The following CROCC variants were observed in gnomAD, a reference collection of about 807,000 sequenced individuals.
CROCC encodes rootletin.
A neutral mutation model predicts 245.2 loss-of-function variants in CROCC; 180 were observed. The observed-to-expected ratio is 0.73, with a 90% confidence interval of 0.65 to 0.83. CROCC has a LOEUF of 0.83. Among genes scored for constraint, CROCC ranks in the 40% least tolerant of loss-of-function variants. CROCC has a pLI of 0.00. For missense variants in CROCC, 2,688 were observed against 2,779.4 expected (o/e 0.97, Z 0.74); for synonymous variants, 1,205 against 1,241.6 (o/e 0.97, Z 0.62).
chr1:16,964,844 A>G (rs995321219), intron 27 of CROCC, among the ~76,000 whole-genome samples: 2 of 152,164 alleles, frequency 1.3e-5, no homozygotes, highest in African/African-American at 4.8e-5. Context: ...CACCACGCCC[A>G]GCTAATTTTT....
At chr1:16,950,579 A>C (rs902184444) in intron 19 of CROCC, among the ~76,000 whole-genome samples, 8 of 152,182 alleles carry the variant, frequency 5.3e-5, no homozygotes, top group African/African-American at 1.9e-4. Context: ...GTTGGTCTTG[A>C]ACTCCTGACC....
intron 19 of CROCC, 125 bp downstream of exon 19, chr1:16,949,051 C>T: frequency 8.0e-7 from 1 of 1,247,716 alleles, no homozygotes. Context: ...GGGTTCCAGT[C>T]CTGTGCCACC....
chr1:16,944,329 G>C, intron 14 of CROCC, 47 bp downstream of exon 14: 2 of 1,474,854 alleles, frequency 1.4e-6, no homozygotes, highest in South Asian at 1.4e-5. Context: ...GATGTGCCTC[G>C]GGTCCCCTGA....
In CROCC at chr1:16,971,563, G is replaced by A; in HGVS notation, c.5883G>A (p.Leu1961=). 6.5e-7 allele frequency: 1 copy of A among 1,536,524 alleles called. No homozygotes were observed. ...QLELQQEVER[L]RSAQAQTERT... The stretch of plus-strand genomic sequence containing the variant: ...AGCTGCAGCAGGAGGTGGAGCGGCT[G>A]CGCAGCGCCCAGGCGCAGACTGAGC... The change falls in exon 36 of 37, where the codon CTG becomes CTA. Residue 1961 remains leucine, a synonymous_variant. Transcript: ENST00000375541.
chr1:16,922,038 G>A lies in CROCC; in HGVS notation c.20G>A (p.Gly7Glu). ...CCCCCCATGAGCTTGGGGCTGGCGGGGGCACAGGAGGTGGAGCTGACACTA... is the reference window on the plus strand; with the variant it reads ...CCCCCCATGAGCTTGGGGCTGGCGGAGGCACAGGAGGTGGAGCTGACACTA... Reference protein sequence around the residue: MSLGLAGAQEVELTLET... With the variant: MSLGLAEAQEVELTLET... Residue 7 changes from glycine (G) to glutamate (E), a missense_variant, in exon 1 of 37, where the codon GGG becomes GAG. By Grantham distance (98) the Gly-to-Glu change is moderately conservative. Transcript: ENST00000375541. The A allele has an allele frequency of 6.4e-7, 1 of 1,550,684 alleles. No individual in the cohort carries two copies. Among genetic ancestry groups the A allele is most frequent in the Non-Finnish European group, 8.7e-7 (1 of 1,146,734 alleles).
intron 14 of CROCC, among the ~76,000 whole-genome samples, chr1:16,944,928 G>A (rs1291108993): frequency 2.6e-5 from 4 of 152,262 alleles, no homozygotes; most frequent in Non-Finnish European, 4.4e-5. Flanking sequence ...TTAAGCACAT[G>A]TGAAGTTTGT....
In CROCC at chr1:16,944,178, G is replaced by A. The variant is rs774077507; in HGVS notation, c.1887G>A (p.Leu629=). 1.3e-6 allele frequency: 2 copies of A among 1,555,650 alleles called. No individual in the cohort carries two copies. Among genetic ancestry groups the A allele is most frequent in the East Asian group, 4.8e-5 (2 of 41,896 alleles). Residue 629 remains leucine (L), a synonymous_variant, in exon 14 of 37, where the codon CTG becomes CTA. Coordinates refer to ENST00000375541, the MANE Select transcript of CROCC (RefSeq NM_014675.5). ...AEELRQEREK[L]QAAQEELRRQ... is the part of the protein sequence containing the mutation. ...AGCTGCGGCAGGAGCGGGAGAAGCT[G>A]CAGGCTGCCCAGGAGGAGCTGCGGC...
At chr1:16,972,185 C>T (rs59468904) in intron 36 of CROCC, among the ~76,000 whole-genome samples, 175 bp from the exon 37 acceptor site, 6,477 of 152,226 alleles carry the variant, frequency 0.043, 479 homozygotes, top group African/African-American at 0.15. Context: ...AGTCAGAAGA[C>T]GCCTGACTCT....
chr1:16,956,123 G>T lies in CROCC; in HGVS notation c.3831G>T (p.Glu1277Asp). The change falls in exon 25 of 37, where the codon GAG (glutamate) becomes GAT (aspartate). Residue 1277 changes from glutamate to aspartate, a missense_variant. Glu to Asp is a conservative substitution (Grantham distance 45, BLOSUM62 2). Coordinates refer to ENST00000375541, the MANE Select transcript of CROCC (RefSeq NM_014675.5). ...AGGAGGTGGAGCGCTCACGGCTGGA[G>T]GCTCGGCGGGAGCTGCAGGAGCTCC... ...GLQEVERSRLEARRELQELRR... is the reference protein window; with the variant it reads ...GLQEVERSRLDARRELQELRR... 6.5e-7 allele frequency: 1 copy of T among 1,548,452 alleles called. No homozygotes were observed. The highest frequency in any genetic ancestry group is 8.7e-7 in the Non-Finnish European group (1 of 1,145,436).
chr1:16,916,513 TTTTG>T lies in CROCC; in HGVS notation n.126-13769_126-13766del, dbSNP rs1299283244. On this transcript the variant is annotated intron_variant and non_coding_transcript_variant, in intron 1 of 8. Transcript: ENST00000466256. The stretch of plus-strand genomic sequence containing the variant: ...GGATGGAAGTCATTGCTGTTACTGT[TTTTG>T]TTTATTTGAGACAGGGTCTTGCTCT... 4.6e-5 allele frequency among the ~76,000 whole-genome samples: 7 copies of T among 152,250 alleles called. No homozygotes were observed. In the South Asian group the frequency reaches 6.2e-4, roughly 14 times the overall value.
chr1:16,939,215 C>CGTGGGG, intron 12 of CROCC, 73 bp downstream of exon 12: 6 of 491,132 alleles, frequency 1.2e-5, no homozygotes, highest in South Asian at 2.8e-5. Flanking sequence ...CGGGTGGGGG[C>CGTGGGG]GGGGGCGGGG....
Position 16,952,345 on chromosome 1 carries a change from C to T in CROCC, c.3007-957C>T, listed in dbSNP as rs532676847. Among the ~76,000 whole-genome samples, 8 of 151,726 alleles carry T rather than the reference C, an allele frequency of 5.3e-5. No individual in the cohort carries two copies. In the South Asian group the frequency reaches 1.1e-3, roughly 20 times the overall value. On this transcript the variant is annotated intron_variant, in intron 20 of 36. Transcript: ENST00000375541. ...TAAAAATCACAAAAAATTAGCTGGG[C>T]GTGGTGGCACGCGCCTGTAGTCCCA...
intron 1 of CROCC, among the ~76,000 whole-genome samples, chr1:16,914,711 C>CT (rs2075284904): frequency 6.6e-6 from 1 of 151,694 alleles, no homozygotes; most frequent in African/African-American, 2.4e-5. Flanking sequence ...CCTCAGGCCT[C>CT]TGTGCCCGGC....
Position 16,948,455 on chromosome 1 carries a change from G to A in CROCC, c.2639G>A (p.Gly880Asp). 6.4e-7 allele frequency: 1 copy of A among 1,560,674 alleles called. No homozygotes were observed. Among genetic ancestry groups the A allele is most frequent in the Non-Finnish European group, 8.7e-7 (1 of 1,154,132 alleles). The part of the protein sequence containing the change: ...EKEALAKEHA[G>D]LAVQLVAAER... ...GAGGCGCTAGCCAAGGAGCACGCTG[G>A]CCTGGCTGTGCAGCTGGTGGCTGCG... is the stretch of plus-strand genomic sequence containing the variant. Residue 880 changes from glycine to aspartate, a missense_variant, in exon 18 of 37, where the codon GGC (glycine) becomes GAC (aspartate). This residue lies in a region of CROCC where 295 missense variants were observed against 241.7 expected (regional missense o/e 1.22). Coordinates refer to ENST00000375541, the MANE Select transcript of CROCC (RefSeq NM_014675.5).
intron 27 of CROCC, among the ~76,000 whole-genome samples, chr1:16,963,635 G>A (rs1037950205): frequency 6.6e-6 from 1 of 152,074 alleles, no homozygotes; most frequent in African/African-American, 2.4e-5. Context: ...GTGTCCTGCA[G>A]TTCCAGTGCC....
chr1:16,916,399 T>C (rs1482620297), intron 1 of CROCC, among the ~76,000 whole-genome samples: 1 of 152,274 alleles, frequency 6.6e-6, no homozygotes, highest in Admixed American at 6.5e-5. Flanking sequence ...ATAGAGACCC[T>C]CGGGGAGCCA....
intron 18 of CROCC, 94 bp from the exon 19 acceptor site, chr1:16,948,705 C>T: frequency 1.9e-6 from 3 of 1,563,540 alleles, no homozygotes; most frequent in South Asian, 2.4e-5. Context: ...GGTAGATTGG[C>T]ACTTGGCCCA....
chr1:16,937,356 AAAAAAAAAAC>A (rs1014684031), intron 9 of CROCC, among the ~76,000 whole-genome samples: 2 of 152,114 alleles, frequency 1.3e-5, no homozygotes, highest in African/African-American at 4.8e-5. Context: ...CCGTCTCAAA[AAAAAAAAAAC>A]AAAAAAAAAG....
At chr1:16,915,335 G>A (rs1217616764) in intron 1 of CROCC, among the ~76,000 whole-genome samples, 1 of 152,278 alleles carries the variant, frequency 6.6e-6, no homozygotes, top group East Asian at 1.9e-4. Context: ...TCATTCAGCA[G>A]CTCTTCATGG....
Sources: allele counts gnomAD v4.1 joint callset (sites outside exome capture counted in the v4.1 genomes callset), GRCh38; gene constraint gnomAD v4.1.1; regional missense constraint gnomAD v4.1.1; transcripts MANE v1.5; gene names NCBI Gene and HGNC (gene_info 2026-07-23, HGNC 2026-07-21).